Variants in CDH9 observed in about 807,000 individuals in gnomAD.
CDH9 encodes cadherin 9, also known as cadherin-9.
A neutral mutation model predicts 70.9 loss-of-function variants in CDH9; 28 were observed. That is an observed-to-expected ratio of 0.40 (90% CI 0.29 to 0.54). The LOEUF is 0.54. CDH9 is among the 20% of genes least tolerant of loss of function. CDH9 has a pLI of 0.59. For synonymous variants in CDH9, 409 were observed against 343.1 expected, an observed-to-expected ratio of 1.19 and a Z score of -2.12; for missense variants, 874 against 984.4, an observed-to-expected ratio of 0.89 and a Z score of 1.50.
intron 1 of CDH9, among the ~76,000 whole-genome samples, chr5:26,997,229 G>A (rs553141252): frequency 1.4e-4 from 21 of 151,974 alleles, no homozygotes; most frequent in Non-Finnish European, 2.6e-4. Flanking sequence ...AACAAGGATC[G>A]ATTGTTTTCT....
chr5:27,001,305 A>G (rs950686528), intron 1 of CDH9, among the ~76,000 whole-genome samples: 1 of 152,132 alleles, frequency 6.6e-6, no homozygotes, highest in African/African-American at 2.4e-5. Flanking sequence ...AAATGGAAAA[A>G]AATTGCACAG....
At chr5:26,993,507 G>A (rs1049827618) in intron 1 of CDH9, among the ~76,000 whole-genome samples, 1 of 151,948 alleles carries the variant, frequency 6.6e-6, no homozygotes, top group Non-Finnish European at 1.5e-5. Context: ...GTATTTGAGA[G>A]TGAATACTAA....
intron 1 of CDH9, among the ~76,000 whole-genome samples, chr5:27,012,278 G>GTAT (rs910292236): frequency 1.3e-5 from 2 of 151,768 alleles, no homozygotes; most frequent in Non-Finnish European, 2.9e-5. Context: ...TATTGTTACT[G>GTAT]TATTATTATT....
At chr5:26,910,236 T>TATCTATCTATCTATCTATCTA (rs1741026961) in intron 3 of CDH9, among the ~76,000 whole-genome samples, 1 of 141,094 alleles carries the variant, frequency 7.1e-6, no homozygotes, top group Non-Finnish European at 1.6e-5. Context: ...TCTATCTATC[T>TATCTATCTATCTATCTATCTA]ATCTATCTAT....
chr5:26,932,468 C>A (rs1561199646), intron 2 of CDH9, among the ~76,000 whole-genome samples: 1 of 151,792 alleles, frequency 6.6e-6, no homozygotes, highest in Non-Finnish European at 1.5e-5. Context: ...AAAGAAAATC[C>A]ATTTTGATGG....
At chr5:26,890,046 T>G in intron 8 of CDH9, 89 bp from the exon 9 acceptor site, 2 of 1,202,126 alleles carry the variant, frequency 1.7e-6, no homozygotes, top group Non-Finnish European at 2.4e-6. Flanking sequence ...AACAGATCCT[T>G]TTTGTGGTGT....
chr5:26,945,827 C>T (rs1741743546), intron 2 of CDH9, among the ~76,000 whole-genome samples: 1 of 152,074 alleles, frequency 6.6e-6, no homozygotes, highest in Admixed American at 6.6e-5. Flanking sequence ...AAGATTTATG[C>T]CTTATGGTAA....
chr5:26,977,692 A>G (rs767182305), intron 2 of CDH9, among the ~76,000 whole-genome samples: 3 of 151,996 alleles, frequency 2.0e-5, no homozygotes, highest in African/African-American at 4.8e-5. Context: ...TTGAAAGGAG[A>G]AAGATCCAGG....
chr5:26,894,959 T>A (rs1740724012), intron 7 of CDH9, among the ~76,000 whole-genome samples: 1 of 152,126 alleles, frequency 6.6e-6, no homozygotes, highest in African/African-American at 2.4e-5. Flanking sequence ...ATTTTTCTTA[T>A]TTGCTTTATA....
chr5:26,961,362 C>T (rs1742032074), intron 2 of CDH9, among the ~76,000 whole-genome samples: 1 of 151,996 alleles, frequency 6.6e-6, no homozygotes, highest in Non-Finnish European at 1.5e-5. Context: ...ATTTATTCTT[C>T]CTAAATAAAA....
intron 2 of CDH9, among the ~76,000 whole-genome samples, chr5:26,957,002 C>CT (rs5866813): frequency 0.69 from 96,100 of 138,732 alleles, 35,799 homozygotes; most frequent in East Asian, 0.94. Flanking sequence ...TTTCCATGTG[C>CT]TTTTTTTTTT....
intron 1 of CDH9, among the ~76,000 whole-genome samples, chr5:27,036,244 A>G (rs759524145): frequency 2.6e-5 from 4 of 151,850 alleles, no homozygotes; most frequent in Non-Finnish European, 4.4e-5. Flanking sequence ...TGTACCATGG[A>G]CGGGACACTG....
At chr5:26,942,705 A>G (rs903878807) in intron 2 of CDH9, among the ~76,000 whole-genome samples, 2 of 152,150 alleles carry the variant, frequency 1.3e-5, no homozygotes, top group African/African-American at 4.8e-5. Context: ...CATTTTGTTT[A>G]TACTGTTTAG....
At chr5:26,924,945 C>A (rs1314863307) in intron 2 of CDH9, among the ~76,000 whole-genome samples, 3 of 152,208 alleles carry the variant, frequency 2.0e-5, no homozygotes, top group Non-Finnish European at 4.4e-5. Flanking sequence ...TTAATCCAGT[C>A]TATCACTGAT....
intron 7 of CDH9, among the ~76,000 whole-genome samples, chr5:26,899,069 A>C (rs532163293): frequency 6.6e-6 from 1 of 152,342 alleles, no homozygotes; most frequent in African/African-American, 2.4e-5. Flanking sequence ...CATATGAAAA[A>C]AAGCTCATCA....
intron 1 of CDH9, among the ~76,000 whole-genome samples, chr5:27,017,828 A>G (rs1254476836): frequency 6.6e-6 from 1 of 151,970 alleles, no homozygotes; most frequent in African/African-American, 2.4e-5. Flanking sequence ...TCTTTGATCT[A>G]TCTCCATTTC....
chr5:27,016,794 A>G (rs1488226794), intron 1 of CDH9, among the ~76,000 whole-genome samples: 3 of 152,014 alleles, frequency 2.0e-5, no homozygotes, highest in South Asian at 2.1e-4. Context: ...ATAAAGAAGC[A>G]CAGAGAAAGT....
intron 2 of CDH9, among the ~76,000 whole-genome samples, chr5:26,917,255 T>G (rs528001095): frequency 1.3e-5 from 2 of 151,986 alleles, no homozygotes; most frequent in Admixed American, 1.3e-4. Context: ...ATCTTTTTTT[T>G]TGTGGTGAGA....
chr5:27,006,842 G>A (rs1742872754), intron 1 of CDH9, among the ~76,000 whole-genome samples: 1 of 151,966 alleles, frequency 6.6e-6, no homozygotes, highest in African/African-American at 2.4e-5. Context: ...AATATGAAGT[G>A]TCTACTGATT....
Sources: allele counts gnomAD v4.1 joint callset (sites outside exome capture counted in the v4.1 genomes callset), GRCh38; gene constraint gnomAD v4.1.1; transcripts MANE v1.5; gene names NCBI Gene and HGNC (gene_info 2026-07-23, HGNC 2026-07-21).